FLT1: variants seen among roughly 807,000 people sequenced by gnomAD.
FLT1 encodes the protein fms related receptor tyrosine kinase 1.
Under a neutral mutation model 156.3 loss-of-function variants are expected in FLT1, and 49 were observed. The observed-to-expected ratio is 0.31, with a 90% CI of 0.25 to 0.40. FLT1 has a LOEUF of 0.40. FLT1 is among the 10% of genes least tolerant of loss of function. The pLI is 1.00. For synonymous variants in FLT1, 594 were observed against 583.8 expected (o/e 1.02, Z -0.25); for missense variants, 1,322 against 1,637.2 (o/e 0.81, Z 3.32).
At chr13:28,453,582 A>G (rs1216055414) in intron 3 of FLT1, among the ~76,000 whole-genome samples, 1 of 152,144 alleles carries the variant, frequency 6.6e-6, no homozygotes, top group Non-Finnish European at 1.5e-5. Flanking sequence ...AGCCAAATAC[A>G]GGCCTTTACA....
intron 29 of FLT1, 136 bp from the exon 30 acceptor site, chr13:28,303,504 T>A: frequency 3.4e-6 from 2 of 590,242 alleles, no homozygotes; most frequent in Non-Finnish European, 5.7e-6. Flanking sequence ...CCCCCCCCCC[T>A]CAATTGCTGT....
chr13:28,354,245 A>G (rs767715112), intron 15 of FLT1, among the ~76,000 whole-genome samples: 2 of 152,138 alleles, frequency 1.3e-5, no homozygotes, highest in Admixed American at 6.5e-5. Flanking sequence ...AGTGAATCCA[A>G]ACTCCTTCCA....
At chr13:28,400,291 G>A (rs1875353110) in intron 11 of FLT1, among the ~76,000 whole-genome samples, 1 of 152,102 alleles carries the variant, frequency 6.6e-6, no homozygotes, top group Non-Finnish European at 1.5e-5. Flanking sequence ...TACATAAGCT[G>A]CAAGCTGCTC....
At chr13:28,340,848 G>A (rs989438704) in intron 16 of FLT1, among the ~76,000 whole-genome samples, 4 of 150,696 alleles carry the variant, frequency 2.7e-5, no homozygotes, top group Middle Eastern at 3.2e-3. Flanking sequence ...AGCAAAAAAC[G>A]ATATGGAGCA....
At chr13:28,417,290 C>T (rs1876708472) in intron 10 of FLT1, among the ~76,000 whole-genome samples, 2 of 152,196 alleles carry the variant, frequency 1.3e-5, no homozygotes, top group African/African-American at 4.8e-5. Flanking sequence ...AAGTTCTTTT[C>T]AACTTTCCAA....
intron 14 of FLT1, among the ~76,000 whole-genome samples, chr13:28,358,475 TA>T (rs1334035504): frequency 2.0e-5 from 3 of 152,206 alleles, no homozygotes; most frequent in African/African-American, 7.2e-5. Flanking sequence ...TCAGTAAATG[TA>T]AGCTTAAGGA....
rs764045713 is a variant in FLT1, at chr13:28,405,809, G to A, written c.1522C>T (p.Arg508Cys). The A allele has an allele frequency of 4.1e-5, 65 of 1,599,358 alleles. 1 individual carries two copies. The South Asian group carries it at 4.8e-4, about 12-fold the overall frequency. ...MGNRIESITQRMAIIEGKNKM... is the reference protein window; with the variant it reads ...MGNRIESITQCMAIIEGKNKM... Reference sequence around the variant, plus strand: ...TTCTTTCCTTCTATTATTGCCATGCGCTGAGTGATGCTCTCAATTCTGTTT... The same window carrying A: ...TTCTTTCCTTCTATTATTGCCATGCACTGAGTGATGCTCTCAATTCTGTTT... Residue 508 changes from arginine to cysteine, a missense_variant, in exon 11 of 30, where the codon CGC (arginine) becomes TGC (cysteine). This residue lies in a region of FLT1 where 991 missense variants were observed against 1,254.8 expected (regional missense o/e 0.79). Coordinates refer to ENST00000282397, the MANE Select transcript of FLT1 (RefSeq NM_002019.4).
At chr13:28,389,531 G>C in intron 13 of FLT1, 3 of 1,425,976 alleles carry the variant, frequency 2.1e-6, no homozygotes, top group Non-Finnish European at 2.7e-6. Context: ...CCCCGGAGCA[G>C]CCCCCTCGGC....
chr13:28,429,469 C>T lies in FLT1; in HGVS notation c.1106+581G>A, dbSNP rs186457954. Among the ~76,000 whole-genome samples the T allele has an allele frequency of 5.9e-3, 896 of 152,108 alleles. 15 individuals carry two copies. Among genetic ancestry groups the T allele is most frequent in the African/African-American group, 0.021 (855 of 41,488 alleles). ...CATTGTTTTACATCAGGTGTTGTAC[C>T]AGTGTTTTAAAAAACAACTGCTGAA... On this transcript the variant is annotated intron_variant, in intron 8 of 29. Coordinates refer to ENST00000282397, the MANE Select transcript of FLT1 (RefSeq NM_002019.4).
intron 17 of FLT1, among the ~76,000 whole-genome samples, chr13:28,337,522 G>A (rs541934536): frequency 2.0e-5 from 3 of 152,152 alleles, no homozygotes; most frequent in African/African-American, 4.8e-5. Context: ...AGTGTACCTC[G>A]GGGCCTTGCA....
chr13:28,474,436 A>T (rs901224381), intron 1 of FLT1, among the ~76,000 whole-genome samples: 9 of 151,896 alleles, frequency 5.9e-5, no homozygotes, highest in African/African-American at 2.2e-4. Context: ...GCCCTGGGCG[A>T]CAGAAACTCT....
intron 6 of FLT1, among the ~76,000 whole-genome samples, chr13:28,432,013 GAGA>G (rs1042004480): frequency 3.9e-5 from 6 of 152,200 alleles, no homozygotes; most frequent in African/African-American, 1.4e-4. Flanking sequence ...GTTTGTCTCA[GAGA>G]AGATCAAGAA....
chr13:28,335,000 G>T (rs997981557), intron 17 of FLT1, among the ~76,000 whole-genome samples: 4 of 152,100 alleles, frequency 2.6e-5, no homozygotes, highest in African/African-American at 9.7e-5. Context: ...GAATGTGTGG[G>T]TTGCCCAAAG....
At chr13:28,424,429 G>A (rs1034394760) in intron 10 of FLT1, among the ~76,000 whole-genome samples, 1 of 151,914 alleles carries the variant, frequency 6.6e-6, no homozygotes, top group Non-Finnish European at 1.5e-5. Context: ...AACTTAGCTC[G>A]CCTTCATAGC....
intron 24 of FLT1, among the ~76,000 whole-genome samples, chr13:28,318,747 C>T (rs762241425): frequency 1.1e-4 from 16 of 152,172 alleles, no homozygotes; most frequent in Admixed American, 5.9e-4. Flanking sequence ...GCCCAAAAGA[C>T]TCTTGGCGAG....
At chr13:28,333,199 GTT>G (rs1871993888) in intron 18 of FLT1, among the ~76,000 whole-genome samples, 1 of 152,242 alleles carries the variant, frequency 6.6e-6, no homozygotes, top group African/African-American at 2.4e-5. Context: ...TACCCGTGTA[GTT>G]GGACTCACAG....
chr13:28,422,915 C>A (rs722503), intron 10 of FLT1, among the ~76,000 whole-genome samples: 1 of 151,954 alleles, frequency 6.6e-6, no homozygotes, highest in East Asian at 1.9e-4. Context: ...AGAGAAGGTC[C>A]CCTTCCCTCC....
At chr13:28,470,840 G>A (rs1442835443) in intron 1 of FLT1, among the ~76,000 whole-genome samples, 1 of 152,094 alleles carries the variant, frequency 6.6e-6, no homozygotes, top group Non-Finnish European at 1.5e-5. Context: ...ACAGGCGCCT[G>A]CCACCACACC....
At chr13:28,349,574 G>A (rs1005255327) in intron 15 of FLT1, among the ~76,000 whole-genome samples, 2 of 152,138 alleles carry the variant, frequency 1.3e-5, no homozygotes, top group East Asian at 1.9e-4. Context: ...TTTGGCTGTC[G>A]GAGATGCTGA....
Sources: allele counts gnomAD v4.1 joint callset (sites outside exome capture counted in the v4.1 genomes callset), GRCh38; gene constraint gnomAD v4.1.1; regional missense constraint gnomAD v4.1.1; transcripts MANE v1.5; gene names NCBI Gene and HGNC (gene_info 2026-07-23, HGNC 2026-07-21).